Variants in XPNPEP2 observed in about 807,000 individuals in gnomAD.
The protein encoded by XPNPEP2 is X-prolyl aminopeptidase 2, also known as xaa-Pro aminopeptidase 2.
A neutral mutation model predicts 59.8 loss-of-function variants in XPNPEP2; 64 were observed. That is an observed-to-expected ratio of 1.07 (90% confidence interval 0.87 to 1.32). XPNPEP2 has a LOEUF of 1.32. Ranked by LOEUF, XPNPEP2 falls within the 40% of genes most tolerant of loss-of-function variation. The pLI is 0.00. For synonymous variants in XPNPEP2, 235 were observed against 210.0 expected (o/e 1.12, Z -1.03); for missense variants, 575 against 546.8 (o/e 1.05, Z -0.51).
At chrX:129,754,142 C>T (rs757460399) in intron 11 of XPNPEP2, among the ~76,000 whole-genome samples, 1 of 111,823 alleles carries the variant, frequency 8.9e-6, no homozygotes, top group East Asian at 2.8e-4. Flanking sequence ...GTCCCTTCAT[C>T]CAGCTTCAAT....
chrX:129,755,161 G>A (rs1347768112), intron 12 of XPNPEP2, 133 bp from the exon 13 acceptor site: 1 of 564,724 alleles, frequency 1.8e-6, no homozygotes, highest in East Asian at 3.4e-5. Context: ...GGAGGTGAGG[G>A]CTGGGAGAGC....
intron 14 of XPNPEP2, among the ~76,000 whole-genome samples, chrX:129,756,933 A>G (rs1262069944): frequency 9.7e-6 from 1 of 103,181 alleles, no homozygotes; most frequent in Admixed American, 1.1e-4. Context: ...CCCGGGTTCA[A>G]GTGATTCTCC....
rs1299294794 is a variant in XPNPEP2 at position 129,762,121 on chromosome X, A to T, written c.1663+56A>T. ...CCCCATCCCAGAGCAGGACTAGCCC[A>T]GGACTGCAGTCTAGAGTGTACCAGA... On this transcript the variant is annotated intron_variant, in intron 18 of 20. Transcript: ENST00000371106. The T allele has an allele frequency of 3.5e-6, 4 of 1,146,291 alleles. No individual in the cohort carries two copies. In the East Asian group the frequency reaches 1.2e-4, roughly 34 times the overall value. 94.5% of individuals were successfully genotyped at this position (1,146,291 alleles called of 1,213,427 possible).
chrX:129,768,014 G>A (rs1018207243), intron 20 of XPNPEP2, among the ~76,000 whole-genome samples: 11 of 111,598 alleles, frequency 9.9e-5, no homozygotes, highest in Admixed American at 9.5e-4. Flanking sequence ...TTTGTAAGCT[G>A]AGGATAAGAA....
rs1926327947 is a variant in XPNPEP2 at position 129,747,752 on chromosome X, A to G, written c.636A>G (p.Thr212=). 1 of 1,212,009 alleles carries G rather than the reference A, an allele frequency of 8.3e-7. No individual in the cohort carries two copies. ...QPIYALQEAF[T]GSTWQEKVSG... is the part of the protein sequence containing the mutation. ...TTTATGCCCTGCAGGAGGCATTCAC[A>G]GGTGATTCAGTAAGCCCAGTTTCCT... Residue 212 remains threonine (T), a splice_region_variant and synonymous_variant, in exon 7 of 21, where the codon ACA becomes ACG. Transcript: ENST00000371106.
intron 2 of XPNPEP2, among the ~76,000 whole-genome samples, chrX:129,743,572 T>C (rs1057071178): frequency 3.5e-5 from 4 of 112,810 alleles, no homozygotes; most frequent in African/African-American, 1.3e-4. Flanking sequence ...GAGTGTCCTG[T>C]ATTTTTATTT....
rs373694839 is a variant in XPNPEP2 at position 129,767,665 on chromosome X, C to T, written c.1803C>T (p.Ile601=). ...VSFVPYDRNL[I]DVSLLSPEHL... is the part of the protein sequence containing the mutation. ...TTGTGCCCTATGACCGGAACCTCAT[C>T]GATGTCAGCCTGCTGTCTCCCGAGC... Residue 601 remains isoleucine, a synonymous_variant, in exon 20 of 21, where the codon ATC becomes ATT. Coordinates refer to ENST00000371106, the MANE Select transcript of XPNPEP2 (RefSeq NM_003399.6). The T allele has an allele frequency of 8.3e-6, 10 of 1,209,729 alleles. No homozygotes were observed. Among genetic ancestry groups the T allele is most frequent in the South Asian group, 3.5e-5 (2 of 56,793 alleles).
chrX:129,768,144 T>C (rs1430973298), intron 20 of XPNPEP2, 147 bp from the exon 21 acceptor site: 6 of 509,600 alleles, frequency 1.2e-5, no homozygotes, highest in Non-Finnish European at 1.8e-5. Context: ...CCCAGAGAAT[T>C]CCTGAAGCCT....
chrX:129,741,180 G>GT lies in XPNPEP2; in HGVS notation c.50-928_50-927insT, dbSNP rs763647777. 4.8e-4 allele frequency among the ~76,000 whole-genome samples: 48 copies of GT among 99,696 alleles called. No homozygotes were observed. The East Asian group carries it at 0.018, about 37-fold the overall frequency. 86.6% of individuals were successfully genotyped at this position (99,696 alleles called of 115,157 possible). On this transcript the variant is annotated intron_variant, in intron 1 of 20. Coordinates refer to ENST00000371106, the MANE Select transcript of XPNPEP2 (RefSeq NM_003399.6). ...GGTTGCTCAATGAATATTGGGGGGG[G>GT]GTCACTCTCGAGTCACTCTAAATTG...
At chrX:129,765,635 C>CTTTTTTTTTTTTTTTTTT (rs56014067) in intron 19 of XPNPEP2, among the ~76,000 whole-genome samples, 10 of 67,336 alleles carry the variant, frequency 1.5e-4, no homozygotes, top group East Asian at 6.2e-4. Flanking sequence ...TTCTTTCTTT[C>CTTTTTTTTTTTTTTTTTT]TTTTTTTTTT....
Position 129,750,737 on chromosome X carries a change from G to T in XPNPEP2, c.739+168G>T, listed in dbSNP as rs148905793. ...GGGAACCAAGAAGGGTAAGGGGGCA[G>T]GAGCTCATGGCTTCAGAAAAAGGAC... On this transcript the variant is annotated intron_variant, in intron 8 of 20. Coordinates refer to ENST00000371106, the MANE Select transcript of XPNPEP2 (RefSeq NM_003399.6). Among the ~76,000 whole-genome samples, 489 of 112,462 alleles carry T rather than the reference G, an allele frequency of 4.3e-3. 4 individuals carry two copies. Among genetic ancestry groups the T allele is most frequent in the African/African-American group, 0.013 (414 of 30,955 alleles).
At chrX:129,756,109 C>G (rs192482831) in intron 13 of XPNPEP2, among the ~76,000 whole-genome samples, 6 of 112,606 alleles carry the variant, frequency 5.3e-5, no homozygotes, top group African/African-American at 1.9e-4. Flanking sequence ...GGGTAGAGGC[C>G]CAGCTCTTTG....
At chrX:129,742,276 T>A in intron 2 of XPNPEP2, 95 bp downstream of exon 2, 1 of 398,690 alleles carries the variant, frequency 2.5e-6, no homozygotes, top group East Asian at 5.3e-5. Flanking sequence ...ACCCCCGCCC[T>A]GCTCTATCAT....
At chrX:129,761,303 G>C (rs1926653073) in intron 17 of XPNPEP2, 27 bp downstream of exon 17, 1 of 1,130,230 alleles carries the variant, frequency 8.8e-7, no homozygotes, top group Non-Finnish European at 1.2e-6. Context: ...CACTCCCCAG[G>C]CCACCCCCCT....
chrX:129,757,073 TAC>T (rs752092311), intron 14 of XPNPEP2, among the ~76,000 whole-genome samples: 1,032 of 83,632 alleles, frequency 0.012, 24 homozygotes, highest in African/African-American at 0.041. Context: ...TACACACACA[TAC>T]ACACACACAC....
chrX:129,745,736 G>A (rs777309514), intron 4 of XPNPEP2, among the ~76,000 whole-genome samples: 1 of 111,424 alleles, frequency 9.0e-6, no homozygotes, highest in African/African-American at 3.3e-5. Flanking sequence ...AAGGGGCCTC[G>A]CACCGTGATC....
chrX:129,752,122 A>G, intron 9 of XPNPEP2, 28 bp from the exon 10 acceptor site: 3 of 1,197,798 alleles, frequency 2.5e-6, no homozygotes, highest in Non-Finnish European at 2.3e-6. Context: ...GATGCTCAGG[A>G]CCCTCCTTGT....
Position 129,754,533 on chromosome X carries a change from G to T in XPNPEP2, c.1169G>T (p.Gly390Val), listed in dbSNP as rs781638941. Residue 390 changes from glycine (G) to valine (V), a missense_variant, in exon 12 of 21, where the codon GGC (glycine) becomes GTC (valine). Coordinates refer to ENST00000371106, the MANE Select transcript of XPNPEP2 (RefSeq NM_003399.6). Reference protein sequence around the residue: ...LVWLEKNVPKGTVDEFSGAEI... With the variant: ...LVWLEKNVPKVTVDEFSGAEI... ...TGGCTGGAGAAGAACGTGCCCAAAG[G>T]CACAGTGGATGAGTTCTCGGGGGCA... 6 of 1,195,665 alleles carry T rather than the reference G, an allele frequency of 5.0e-6. No homozygotes were observed. Among genetic ancestry groups the T allele is most frequent in the Non-Finnish European group, 6.8e-6 (6 of 887,990 alleles).
At chrX:129,750,442 CT>C in intron 7 of XPNPEP2, 25 bp from the exon 8 acceptor site, 6 of 1,164,082 alleles carry the variant, frequency 5.2e-6, no homozygotes, top group East Asian at 3.1e-5. Context: ...GTCACTTACA[CT>C]TTTTTGGGGC....
Sources: allele counts gnomAD v4.1 joint callset (sites outside exome capture counted in the v4.1 genomes callset), GRCh38; gene constraint gnomAD v4.1.1; transcripts MANE v1.5; gene names NCBI Gene and HGNC (gene_info 2026-07-23, HGNC 2026-07-21).